RBFOX1: variants seen among roughly 807,000 people sequenced by gnomAD.
RBFOX1 encodes the protein RNA binding protein fox-1 homolog 1.
RBFOX1 carries 8 observed loss-of-function variants against 57.7 expected under a neutral mutation model. The ratio of observed to expected loss-of-function variants is 0.14; its 90% CI spans 0.08 to 0.25. The LOEUF is 0.25. Among genes scored for constraint, RBFOX1 ranks in the 10% least tolerant of loss-of-function variants. The pLI, the probability that RBFOX1 is intolerant of heterozygous loss-of-function variation, is 1.00. For missense variants in RBFOX1, 611 were observed against 548.5 expected (o/e 1.11, Z -1.14); for synonymous variants, 326 against 222.4 (o/e 1.47, Z -4.15).
chr16:6,304,002 G>A (rs937034840), intron 1 of RBFOX1, among the ~76,000 whole-genome samples: 1 of 151,234 alleles, frequency 6.6e-6, no homozygotes, highest in Non-Finnish European at 1.5e-5. Flanking sequence ...AGTAGAATCG[G>A]GGTTTCACCA....
At chr16:6,767,932 T>TAAGAAG (rs1247016398) in intron 3 of RBFOX1, among the ~76,000 whole-genome samples, 79 of 94,850 alleles carry the variant, frequency 8.3e-4, no homozygotes, top group African/African-American at 3.4e-3. Context: ...ATAATAATAA[T>TAAGAAG]AATAATAATA....
chr16:5,390,880 C>G (rs942828556), intron 1 of RBFOX1, among the ~76,000 whole-genome samples: 3 of 152,120 alleles, frequency 2.0e-5, no homozygotes, highest in African/African-American at 7.2e-5. Context: ...AAAGCTAGGA[C>G]CCACCCAGAG....
At chr16:6,728,338 T>A (rs2067720955) in intron 3 of RBFOX1, among the ~76,000 whole-genome samples, 1 of 149,168 alleles carries the variant, frequency 6.7e-6, no homozygotes, top group Non-Finnish European at 1.5e-5. Flanking sequence ...TGAGCAAATT[T>A]CTCTCCTGTA....
At chr16:5,582,090 G>C (rs1334086664) in intron 2 of RBFOX1, among the ~76,000 whole-genome samples, 1 of 152,192 alleles carries the variant, frequency 6.6e-6, no homozygotes, top group Non-Finnish European at 1.5e-5. Flanking sequence ...TGTTAAAAGA[G>C]CTGACAGCTC....
intron 1 of RBFOX1, among the ~76,000 whole-genome samples, chr16:5,461,892 G>A (rs918706060): frequency 6.6e-6 from 1 of 152,176 alleles, no homozygotes; most frequent in Non-Finnish European, 1.5e-5. Flanking sequence ...AGAGTCTAAA[G>A]AGAAGGGACA....
At chr16:6,741,127 A>G (rs1054823141) in intron 3 of RBFOX1, among the ~76,000 whole-genome samples, 5 of 152,188 alleles carry the variant, frequency 3.3e-5, no homozygotes, top group Admixed American at 6.5e-5. Context: ...GGGAAGTATA[A>G]TCTTTACAAC....
In RBFOX1 at chr16:7,235,282, A is replaced by C. The variant is rs149889935; in HGVS notation, c.27+183184A>C. ...GGATGGGTTACACAGAAAGAAAGCC[A>C]CTTGTTCATTATTGACTAAGTGTGG... On this transcript the variant is annotated intron_variant, in intron 4 of 15. Transcript: ENST00000550418. Among the ~76,000 whole-genome samples the C allele has an allele frequency of 3.1e-3, 474 of 152,300 alleles. 6 individuals are homozygous for C. Among genetic ancestry groups the C allele is most frequent in the African/African-American group, 0.011 (447 of 41,564 alleles).
intron 4 of RBFOX1, among the ~76,000 whole-genome samples, chr16:7,271,434 T>C (rs1420754615): frequency 6.6e-6 from 1 of 152,192 alleles, no homozygotes; most frequent in Non-Finnish European, 1.5e-5. Context: ...GTTTCAATGA[T>C]GCCTTGGTGA....
At chr16:5,373,392 C>G (rs1008903690) in intron 1 of RBFOX1, among the ~76,000 whole-genome samples, 29 of 152,022 alleles carry the variant, frequency 1.9e-4, no homozygotes, top group African/African-American at 6.8e-4. Flanking sequence ...GTGGATTTCC[C>G]CCTTGCTCTT....
chr16:6,391,559 A>C (rs17140100), intron 2 of RBFOX1, among the ~76,000 whole-genome samples: 53,411 of 151,684 alleles, frequency 0.35, 9,835 homozygotes, highest in South Asian at 0.61. Context: ...TCACATTTTT[A>C]AAGATCATTC....
At chr16:6,490,136 C>T (rs563857068) in intron 2 of RBFOX1, among the ~76,000 whole-genome samples, 6 of 152,274 alleles carry the variant, frequency 3.9e-5, no homozygotes, top group African/African-American at 1.4e-4. Flanking sequence ...CCATGCCTAT[C>T]TCAGTCTCAG....
chr16:7,491,959 G>T (rs1048353626), intron 4 of RBFOX1, among the ~76,000 whole-genome samples: 3 of 152,126 alleles, frequency 2.0e-5, no homozygotes, highest in Non-Finnish European at 4.4e-5. Flanking sequence ...GAATATTGAT[G>T]ATTATAGTCT....
intron 4 of RBFOX1, among the ~76,000 whole-genome samples, chr16:7,108,758 C>T (rs1177031379): frequency 1.3e-5 from 2 of 152,196 alleles, no homozygotes; most frequent in Non-Finnish European, 2.9e-5. Flanking sequence ...GAGATACACT[C>T]ACCCCTGTGC....
intron 4 of RBFOX1, among the ~76,000 whole-genome samples, chr16:7,456,624 A>C (rs931364923): frequency 6.6e-6 from 1 of 152,096 alleles, no homozygotes; most frequent in Non-Finnish European, 1.5e-5. Flanking sequence ...TGGTTGGGAG[A>C]ACACACCTTC....
At chr16:6,614,001 G>A (rs1005772268) in intron 2 of RBFOX1, among the ~76,000 whole-genome samples, 1 of 152,170 alleles carries the variant, frequency 6.6e-6, no homozygotes, top group Non-Finnish European at 1.5e-5. Flanking sequence ...GCTTTATACA[G>A]CAATTACTAA....
intron 3 of RBFOX1, among the ~76,000 whole-genome samples, chr16:6,862,915 G>A (rs2059267198): frequency 6.6e-6 from 1 of 151,816 alleles, no homozygotes; most frequent in African/African-American, 2.4e-5. Context: ...AACCCAGGAG[G>A]CAGAGGTTGC....
At chr16:7,443,274 T>C (rs2098783333) in intron 4 of RBFOX1, among the ~76,000 whole-genome samples, 1 of 152,132 alleles carries the variant, frequency 6.6e-6, no homozygotes, top group African/African-American at 2.4e-5. Flanking sequence ...CAAAAGGCAA[T>C]TTTCTTGGTG....
intron 2 of RBFOX1, among the ~76,000 whole-genome samples, chr16:6,589,296 A>G (rs1415129004): frequency 6.6e-6 from 1 of 152,224 alleles, no homozygotes; most frequent in Non-Finnish European, 1.5e-5. Context: ...GCAATAGAAA[A>G]TATGTGTAAT....
At chr16:6,994,435 C>G (rs947614647) in intron 3 of RBFOX1, among the ~76,000 whole-genome samples, 1 of 152,090 alleles carries the variant, frequency 6.6e-6, no homozygotes, top group African/African-American at 2.4e-5. Context: ...TTGTAAAAAC[C>G]ACCCCCAGCT....
Sources: allele counts gnomAD v4.1 joint callset (sites outside exome capture counted in the v4.1 genomes callset), GRCh38; gene constraint gnomAD v4.1.1; transcripts MANE v1.5; gene names NCBI Gene and HGNC (gene_info 2026-07-23, HGNC 2026-07-21).